MAP3K2: variants seen among roughly 807,000 people sequenced by gnomAD.
MAP3K2 encodes the protein mitogen-activated protein kinase kinase kinase 2.
Under a neutral mutation model 80.3 loss-of-function variants are expected in MAP3K2, and 24 were observed. The observed-to-expected ratio is 0.30, with a 90% CI of 0.22 to 0.42. The LOEUF (loss-of-function observed/expected upper bound fraction) is 0.42. Ranked by LOEUF, MAP3K2 falls within the 10% of genes least tolerant of loss-of-function variation. The pLI, the probability that MAP3K2 is intolerant of heterozygous loss-of-function variation, is 1.00. For missense variants in MAP3K2, 608 were observed against 750.1 expected (o/e 0.81, Z 2.21); for synonymous variants, 244 against 253.7 (o/e 0.96, Z 0.36).
chr2:127,345,695 A>C (rs548809685), intron 1 of MAP3K2, among the ~76,000 whole-genome samples: 114 of 152,364 alleles, frequency 7.5e-4, no homozygotes, highest in Non-Finnish European at 1.2e-3. Context: ...AAAATGCAAT[A>C]AAATTAGAAA....
chr2:127,379,645 C>T (rs905594062), intron 1 of MAP3K2, among the ~76,000 whole-genome samples: 1 of 152,224 alleles, frequency 6.6e-6, no homozygotes, highest in African/African-American at 2.4e-5. Context: ...TGGTACACAG[C>T]TGGTACTCAA....
rs189529821 is a variant in MAP3K2 at position 127,301,347 on chromosome 2, T to C, written c.*6232A>G. 4 of 152,350 alleles carry C rather than the reference T, an allele frequency of 2.6e-5. No individual in the cohort carries two copies. Among genetic ancestry groups the C allele is most frequent in the East Asian group, 1.9e-4 (1 of 5,186 alleles). 9.4% of individuals were successfully genotyped at this position (152,350 alleles called of 1,614,324 possible). ...CAGTGGTCAAGTGACATTAACAAGA[T>C]TGGCACATGTACAAGCTTAAATTCA... On this transcript the variant is annotated 3_prime_UTR_variant, in exon 17 of 17. Coordinates refer to ENST00000682094, the MANE Select transcript of MAP3K2 (RefSeq NM_001371910.2).
rs1211012515 is a variant in MAP3K2 at position 127,310,223 on chromosome 2, T to C, written c.1457-1461A>G. Among the ~76,000 whole-genome samples the C allele has an allele frequency of 6.6e-6, 1 of 152,208 alleles. No homozygotes were observed. The highest frequency in any genetic ancestry group is 1.5e-5 in the Non-Finnish European group (1 of 68,032). On this transcript the variant is annotated intron_variant, in intron 15 of 16. Transcript: ENST00000682094. This position sits in a 1 kb window ranked among gnomAD's most constrained non-coding sequence, Gnocchi z 4.8. The stretch of plus-strand genomic sequence containing the variant: ...CCCATCATTGTATCCTTGGCTTTTG[T>C]TTTGGAGCACTTTCTTGCTTTCTGG...
chr2:127,333,576 G>A (rs1407921026), intron 5 of MAP3K2, among the ~76,000 whole-genome samples: 1 of 151,996 alleles, frequency 6.6e-6, no homozygotes, highest in African/African-American at 2.4e-5. Context: ...ATTTGGTTTG[G>A]GACAATATGT....
rs999407825 is a variant in MAP3K2, at chr2:127,321,808, G to T, written c.1045+238C>A. ...AGGATATGTGGAATGCATGGATAAA[G>T]AATGACTAGTTGGTAATAATTTTCC... is the stretch of plus-strand genomic sequence containing the variant. On this transcript the variant is annotated intron_variant, in intron 12 of 16. Coordinates refer to ENST00000682094, the MANE Select transcript of MAP3K2 (RefSeq NM_001371910.2). The surrounding 1 kb of genome is among the most constrained non-coding windows in gnomAD (Gnocchi z 4.4). Among the ~76,000 whole-genome samples, 4 of 152,192 alleles carry T rather than the reference G, an allele frequency of 2.6e-5. No homozygotes were observed. Among genetic ancestry groups the T allele is most frequent in the Admixed American group, 6.5e-5 (1 of 15,278 alleles).
chr2:127,340,678 A>G (rs1686461975), intron 2 of MAP3K2, among the ~76,000 whole-genome samples: 1 of 151,258 alleles, frequency 6.6e-6, no homozygotes, highest in Admixed American at 6.6e-5. Context: ...AAAAAAAAAA[A>G]GGTAAATCCT....
chr2:127,381,344 T>C (rs577863318), intron 1 of MAP3K2, among the ~76,000 whole-genome samples: 5 of 152,324 alleles, frequency 3.3e-5, no homozygotes, highest in Admixed American at 3.3e-4. Context: ...TAAGAAAAAT[T>C]TAAATGCACT....
Position 127,321,180 on chromosome 2 carries a change from A to G in MAP3K2, c.1045+866T>C, listed in dbSNP as rs565755645. ...GAATGAACTCAGTACCAGCATGCCT[A>G]TATTACAAGAAAGGTTAAAATGCAG... On this transcript the variant is annotated intron_variant, in intron 12 of 16. Transcript: ENST00000682094. The surrounding 1 kb of genome is among the most constrained non-coding windows in gnomAD (Gnocchi z 4.4). 6.6e-6 allele frequency among the ~76,000 whole-genome samples: 1 copy of G among 152,216 alleles called. No individual in the cohort carries two copies. Among genetic ancestry groups the G allele is most frequent in the African/African-American group, 2.4e-5 (1 of 41,460 alleles).
At chr2:127,367,390 T>C (rs949430921) in intron 1 of MAP3K2, among the ~76,000 whole-genome samples, 3 of 152,230 alleles carry the variant, frequency 2.0e-5, no homozygotes, top group Non-Finnish European at 2.9e-5. Flanking sequence ...CTAATCAGAA[T>C]ATACATTAAA....
chr2:127,343,821 C>G (rs551477575), intron 1 of MAP3K2, among the ~76,000 whole-genome samples: 5 of 152,122 alleles, frequency 3.3e-5, no homozygotes, highest in African/African-American at 1.2e-4. Context: ...AGTTCGAGAC[C>G]AGCCTGTCCA....
rs1685546555 is a variant in MAP3K2 at position 127,299,352 on chromosome 2, T to A, written c.*8227A>T. 2 of 152,218 alleles carry A rather than the reference T, an allele frequency of 1.3e-5. No individual in the cohort carries two copies. The highest frequency in any genetic ancestry group is 4.1e-4 in the South Asian group (2 of 4,834). 9.4% of individuals were successfully genotyped at this position (152,218 alleles called of 1,614,324 possible). A position where few individuals can be genotyped will look rare whatever the true frequency, so the allele number is the denominator to read the frequency against. ...ATGTTTGGACATTTCAAAACCAATT[T>A]ATAGTCAATTACAAAGAATCACAAT... On this transcript the variant is annotated 3_prime_UTR_variant, in exon 17 of 17. Coordinates refer to ENST00000682094, the MANE Select transcript of MAP3K2 (RefSeq NM_001371910.2).
rs766429563 is a variant in MAP3K2, at chr2:127,335,853, A to G, written c.264+17T>C. 6.8e-5 allele frequency: 96 copies of G among 1,407,472 alleles called. No homozygotes were observed. In the Middle Eastern group the frequency reaches 1.9e-3, roughly 28 times the overall value. 87.2% of individuals were successfully genotyped at this position (1,407,472 alleles called of 1,614,324 possible). A position where few individuals can be genotyped will look rare whatever the true frequency, so the allele number is the denominator to read the frequency against. ...TTTGAAGGTAAGATCTACTAAAGTT[A>G]AACTGTACATGTTTACCTCGTTATT... is the stretch of plus-strand genomic sequence containing the variant. On this transcript the variant is annotated intron_variant, in intron 5 of 16. Transcript: ENST00000682094.
chr2:127,322,519 G>GA lies in MAP3K2; in HGVS notation c.839-268dup, dbSNP rs1335387166. Among the ~76,000 whole-genome samples the GA allele has an allele frequency of 6.6e-6, 1 of 151,940 alleles. No homozygotes were observed. Among genetic ancestry groups the GA allele is most frequent in the Non-Finnish European group, 1.5e-5 (1 of 67,968 alleles). ...CTCCTCACTTCTGGATAAAAAGGAG[G>GA]AAAAAAATTTACTCTCATTTCCAAT... On this transcript the variant is annotated intron_variant, in intron 11 of 16. Transcript: ENST00000682094. The surrounding 1 kb of genome is among the most constrained non-coding windows in gnomAD (Gnocchi z 4.2).
intron 1 of MAP3K2, among the ~76,000 whole-genome samples, chr2:127,353,555 C>T (rs1430045733): frequency 3.7e-5 from 2 of 53,468 alleles, no homozygotes; most frequent in Non-Finnish European, 8.1e-5. Flanking sequence ...GCTGCCCCGT[C>T]CGGGAGGGAG....
At chr2:127,334,351 A>G (rs575816205) in intron 5 of MAP3K2, among the ~76,000 whole-genome samples, 1 of 152,204 alleles carries the variant, frequency 6.6e-6, no homozygotes, top group Non-Finnish European at 1.5e-5. Flanking sequence ...CCATAATACA[A>G]TTTTAGAAAA....
intron 1 of MAP3K2, among the ~76,000 whole-genome samples, chr2:127,358,320 C>T (rs776456537): frequency 1.4e-4 from 21 of 152,208 alleles, no homozygotes; most frequent in Non-Finnish European, 2.5e-4. Flanking sequence ...AATGCTCATG[C>T]ACTACTGTTG....
intron 4 of MAP3K2, among the ~76,000 whole-genome samples, chr2:127,336,287 AAACTT>A (rs1286131538): frequency 1.3e-5 from 2 of 152,258 alleles, no homozygotes; most frequent in African/African-American, 4.8e-5. Context: ...GAAACTGATT[AAACTT>A]AACTATGTGA....
chr2:127,360,080 GATTT>G (rs1213341759), intron 1 of MAP3K2, among the ~76,000 whole-genome samples: 5 of 152,246 alleles, frequency 3.3e-5, no homozygotes, highest in East Asian at 3.9e-4. Flanking sequence ...GTTCTTAGCA[GATTT>G]ATTTGTAATA....
chr2:127,348,331 T>C (rs1279003863), intron 1 of MAP3K2, among the ~76,000 whole-genome samples: 1 of 152,088 alleles, frequency 6.6e-6, no homozygotes, highest in Non-Finnish European at 1.5e-5. Flanking sequence ...GATGTTGCAG[T>C]GAGCCCACAT....
Sources: gnomAD v4.1 joint callset for allele counts (sites outside exome capture counted in the v4.1 genomes callset) on GRCh38, gnomAD v4.1.1 for gene constraint, Gnocchi (gnomAD v3.1) non-coding constraint, MANE v1.5 for transcripts, NCBI Gene and HGNC (gene_info 2026-07-23, HGNC 2026-07-21) for gene names.